Variants in ANO7 observed in about 807,000 individuals in gnomAD.
ANO7 encodes anoctamin-7.
In ANO7, 114 loss-of-function variants were observed where a neutral mutation model predicts 115.8. That is an observed-to-expected ratio of 0.98 (90% CI 0.85 to 1.15). The LOEUF (loss-of-function observed/expected upper bound fraction) is 1.15. Ranked by LOEUF, ANO7 falls within the 50% of genes most tolerant of loss-of-function variation. ANO7 has a pLI of 0.00. For synonymous variants in ANO7, 550 were observed against 498.2 expected (o/e 1.10, Z -1.38); for missense variants, 1,302 against 1,201.2 (o/e 1.08, Z -1.24).
intron 4 of ANO7, among the ~76,000 whole-genome samples, chr2:241,196,596 A>G (rs530660059): frequency 1.3e-5 from 2 of 152,246 alleles, no homozygotes; most frequent in African/African-American, 4.8e-5. Context: ...AATTTTACAT[A>G]ATCAAGCAAT....
chr2:241,232,307 ACT>A, the ANO7 span, among the ~76,000 whole-genome samples: 2 of 147,182 alleles, frequency 1.4e-5, no homozygotes, highest in Admixed American at 6.8e-5. Context: ...ACAGAGTCTC[ACT>A]CTGTCGCCCA....
chr2:241,207,397 C>T (rs866210361), intron 10 of ANO7, among the ~76,000 whole-genome samples, 177 bp from the exon 11 acceptor site: 4 of 152,356 alleles, frequency 2.6e-5, no homozygotes, highest in Non-Finnish European at 5.9e-5. Flanking sequence ...TTAACTCAGA[C>T]ATTGTCATGG....
chr2:241,193,215 G>A (rs1230388122), intron 3 of ANO7, among the ~76,000 whole-genome samples: 2 of 151,888 alleles, frequency 1.3e-5, no homozygotes, highest in East Asian at 1.9e-4. Context: ...GACTACAGGT[G>A]CGCCCCACCA....
At chr2:241,229,007 G>A (rs1159234141), downstream of ANO7, 1 of 154,174 alleles carries the variant, frequency 6.5e-6, no homozygotes, top group African/African-American at 2.4e-5. Context: ...AGGACTGCCT[G>A]AGAACCCGTC....
chr2:241,223,819 CCT>C lies in ANO7; in HGVS notation c.2532+42_2532+43del, dbSNP rs2149280926. 3 of 1,614,110 alleles carry C rather than the reference CCT, an allele frequency of 1.9e-6. No homozygotes were observed. In the South Asian group the frequency reaches 3.3e-5, roughly 18 times the overall value. On this transcript the variant is annotated intron_variant, in intron 23 of 24. Coordinates refer to ENST00000674324, the MANE Select transcript of ANO7 (RefSeq NM_001370694.2). ...GCCCAGTCTCGGCCCTCCCCCCAGC[CCT>C]CTCCCTATCCTTGTCAGTGGCTGCT...
At chr2:241,202,811 C>A (rs1449234050) in intron 8 of ANO7, among the ~76,000 whole-genome samples, 1 of 152,208 alleles carries the variant, frequency 6.6e-6, no homozygotes, top group African/African-American at 2.4e-5. Flanking sequence ...AGGGGAGGGG[C>A]CTTGCAGGCA....
chr2:241,222,710 T>C (rs757082742), intron 21 of ANO7, among the ~76,000 whole-genome samples: 1 of 152,132 alleles, frequency 6.6e-6, no homozygotes, highest in Non-Finnish European at 1.5e-5. Context: ...CACAGGAAGA[T>C]GTCAAAGTCT....
chr2:241,189,882 TA>T (rs1337294709), intron 1 of ANO7, among the ~76,000 whole-genome samples, 174 bp from the exon 2 acceptor site: 1 of 152,066 alleles, frequency 6.6e-6, no homozygotes, highest in Non-Finnish European at 1.5e-5. Context: ...CGTGGCTGGC[TA>T]GGGGGTTCTC....
downstream of ANO7, chr2:241,230,133 C>T (rs1295391340): frequency 1.9e-6 from 3 of 1,600,702 alleles, no homozygotes; most frequent in African/African-American, 2.7e-5. The surrounding 1 kb of genome is among the most constrained non-coding windows in gnomAD (Gnocchi z 5.0). Flanking sequence ...CTCAGGGCTC[C>T]AAGGCCCACA....
At chr2:241,229,912 G>T, downstream of ANO7, 1 of 1,601,166 alleles carries the variant, frequency 6.2e-7, no homozygotes, top group Non-Finnish European at 8.5e-7. Flanking sequence ...TTCGTGTGCT[G>T]GGGGTTTCAT....
chr2:241,236,941 G>A, the ANO7 span, among the ~76,000 whole-genome samples: 16 of 139,866 alleles, frequency 1.1e-4, no homozygotes, highest in South Asian at 7.6e-4. Context: ...CAGATAGGAC[G>A]TCCCCACAGC....
In ANO7 at chr2:241,195,192, T is replaced by C. The variant is rs887925338; in HGVS notation, c.167-511T>C. Among the ~76,000 whole-genome samples the C allele has an allele frequency of 2.6e-5, 4 of 152,226 alleles. No individual in the cohort carries two copies. The South Asian group carries it at 8.3e-4, about 32-fold the overall frequency. On this transcript the variant is annotated intron_variant, in intron 3 of 24. Transcript: ENST00000674324. ...TTGGGCTCTATTGCCCTCCCTGTCGTTTGGGAAATGCCCCAGGAGGAAGTG... is the reference window on the plus strand; with the variant it reads ...TTGGGCTCTATTGCCCTCCCTGTCGCTTGGGAAATGCCCCAGGAGGAAGTG...
downstream of ANO7, chr2:241,229,414 G>C (rs117069991): frequency 1.8e-6 from 1 of 550,272 alleles, no homozygotes; most frequent in Non-Finnish European, 3.3e-6. Flanking sequence ...GGTCCTGAGC[G>C]GGCACGGCCA....
the ANO7 span, among the ~76,000 whole-genome samples, chr2:241,235,805 AC>A: frequency 6.6e-6 from 1 of 152,030 alleles, no homozygotes; most frequent in African/African-American, 2.4e-5. Flanking sequence ...GAAATTCCAG[AC>A]CCTTCATCCC....
chr2:241,223,344 C>T lies in ANO7; in HGVS notation c.2412+68C>T, dbSNP rs572318901. On this transcript the variant is annotated intron_variant, in intron 22 of 24. Coordinates refer to ENST00000674324, the MANE Select transcript of ANO7 (RefSeq NM_001370694.2). ...CCCCGACCCTGTGCTTTGCCTAATTCGAGCACGTGGTGAGGGGTCGGTGCC... is the reference window on the plus strand; with the variant it reads ...CCCCGACCCTGTGCTTTGCCTAATTTGAGCACGTGGTGAGGGGTCGGTGCC... 8.2e-5 allele frequency: 128 copies of T among 1,557,256 alleles called. No individual in the cohort carries two copies. The African/African-American group carries it at 1.5e-3, about 18-fold the overall frequency.
intron 18 of ANO7, among the ~76,000 whole-genome samples, chr2:241,215,846 C>A (rs1447123231): frequency 2.0e-5 from 3 of 152,268 alleles, no homozygotes; most frequent in Middle Eastern, 3.4e-3. Flanking sequence ...AGGAACAATG[C>A]GGGGGGCTGG....
At chr2:241,195,918 G>A (rs2068316861) in intron 4 of ANO7, 73 bp downstream of exon 4, 9 of 1,613,220 alleles carry the variant, frequency 5.6e-6, no homozygotes, top group African/African-American at 1.3e-5. Context: ...TGCCGCATGA[G>A]GCCTGAGGGC....
rs2068467596 is a variant in ANO7 at position 241,201,365 on chromosome 2, G to A, written c.612+10G>A. On this transcript the variant is annotated intron_variant, in intron 7 of 24. Transcript: ENST00000674324. ...CAAGAGGCACCAAATTGTGAGTGGG[G>A]GTTCCCTGCCGCGGGCCCCAAACCC... The A allele has an allele frequency of 6.2e-7, 1 of 1,610,780 alleles. No homozygotes were observed. The highest frequency in any genetic ancestry group is 1.1e-5 in the South Asian group (1 of 90,566).
chr2:241,191,184 T>C lies in ANO7; in HGVS notation c.109-10T>C. 1.2e-6 allele frequency: 2 copies of C among 1,613,916 alleles called. No individual in the cohort carries two copies. Among genetic ancestry groups the C allele is most frequent in the South Asian group, 1.1e-5 (1 of 91,084 alleles). The stretch of plus-strand genomic sequence containing the variant: ...TGCTGATATGCTTCTCCATCCTCCA[T>C]GCCTTCCAGCCAGGTGGACAGCAAG... On this transcript the variant is annotated splice_polypyrimidine_tract_variant and intron_variant, in intron 2 of 24. Coordinates refer to ENST00000674324, the MANE Select transcript of ANO7 (RefSeq NM_001370694.2).
Sources: gnomAD v4.1 joint callset for allele counts (sites outside exome capture counted in the v4.1 genomes callset) on GRCh38, gnomAD v4.1.1 for gene constraint, Gnocchi (gnomAD v3.1) non-coding constraint, MANE v1.5 for transcripts, NCBI Gene and HGNC (gene_info 2026-07-23, HGNC 2026-07-21) for gene names.